CDH13: variants seen among roughly 807,000 people sequenced by gnomAD.
CDH13 encodes the protein cadherin 13.
CDH13 carries 24 observed loss-of-function variants against 63.8 expected under a neutral mutation model. The observed-to-expected ratio is 0.38, with a 90% CI of 0.27 to 0.53. CDH13 has a LOEUF of 0.53. Among genes scored for constraint, CDH13 ranks in the 20% least tolerant of loss-of-function variants. CDH13 has a pLI of 0.85. For missense variants in CDH13, 1,049 were observed against 903.1 expected (o/e 1.16, Z -2.07); for synonymous variants, 503 against 355.3 (o/e 1.42, Z -4.67).
chr16:82,861,430 C>G (rs547496837), intron 2 of CDH13, among the ~76,000 whole-genome samples: 2 of 152,302 alleles, frequency 1.3e-5, no homozygotes, highest in African/African-American at 2.4e-5. Context: ...GCCTGACAGA[C>G]ATAGTATATC....
intron 5 of CDH13, among the ~76,000 whole-genome samples, chr16:83,264,267 G>C (rs1200761344): frequency 6.6e-6 from 1 of 152,160 alleles, no homozygotes; most frequent in Non-Finnish European, 1.5e-5. Context: ...CATTTTAGCA[G>C]TCAAACTTTC....
chr16:83,257,416 C>T (rs1040809287), intron 5 of CDH13, among the ~76,000 whole-genome samples: 4 of 150,198 alleles, frequency 2.7e-5, no homozygotes, highest in Admixed American at 2.6e-4. Context: ...GATGAGGTTT[C>T]CTCTTTCCTC....
chr16:83,281,302 G>C (rs540665775), intron 5 of CDH13, among the ~76,000 whole-genome samples: 1 of 152,172 alleles, frequency 6.6e-6, no homozygotes, highest in Non-Finnish European at 1.5e-5. Flanking sequence ...ACCAACCTCC[G>C]TTAGGTTCAG....
chr16:82,720,660 C>T (rs2169449), intron 1 of CDH13, among the ~76,000 whole-genome samples: 2 of 151,410 alleles, frequency 1.3e-5, no homozygotes, highest in East Asian at 1.9e-4. Context: ...ACAGGGTGGT[C>T]TGGGCCAAGA....
At chr16:82,833,960 T>G (rs1037675286) in intron 1 of CDH13, among the ~76,000 whole-genome samples, 3 of 152,212 alleles carry the variant, frequency 2.0e-5, no homozygotes, top group African/African-American at 7.2e-5. Context: ...TTACTTACCT[T>G]GTGGGTGGGG....
intron 5 of CDH13, among the ~76,000 whole-genome samples, chr16:83,332,394 AT>A (rs2090499513): frequency 6.6e-6 from 1 of 152,176 alleles, no homozygotes; most frequent in African/African-American, 2.4e-5. Context: ...ATCAACCCTA[AT>A]TTTTTTAAGA....
At chr16:83,012,246 T>C (rs984021966) in intron 2 of CDH13, among the ~76,000 whole-genome samples, 1 of 152,080 alleles carries the variant, frequency 6.6e-6, no homozygotes, top group African/African-American at 2.4e-5. Flanking sequence ...ACTATCTCTT[T>C]TCAATTTTCC....
chr16:83,282,057 T>C (rs1398665745), intron 5 of CDH13, among the ~76,000 whole-genome samples: 10 of 152,156 alleles, frequency 6.6e-5, no homozygotes. Context: ...AATATTGTGA[T>C]ATCTCAGGGA....
At chr16:83,794,941 T>C in intron 13 of CDH13, 82 bp from the exon 14 acceptor site, 1 of 1,294,618 alleles carries the variant, frequency 7.7e-7, no homozygotes, top group Non-Finnish European at 1.1e-6. Context: ...ATACCTTGCC[T>C]GTCATTTTTC....
intron 1 of CDH13, among the ~76,000 whole-genome samples, chr16:82,641,710 A>G (rs568395329): frequency 1.3e-5 from 2 of 152,362 alleles, no homozygotes; most frequent in African/African-American, 2.4e-5. Flanking sequence ...TCATTCACGC[A>G]TTCAGTCATT....
At chr16:83,514,764 G>A (rs577010290) in intron 7 of CDH13, among the ~76,000 whole-genome samples, 7 of 152,246 alleles carry the variant, frequency 4.6e-5, no homozygotes, top group South Asian at 2.1e-4. Flanking sequence ...GAAATACCAC[G>A]GGTCACCAGC....
intron 4 of CDH13, among the ~76,000 whole-genome samples, chr16:83,132,445 A>AC (rs1187699429): frequency 0.036 from 790 of 22,176 alleles, 12 homozygotes; most frequent in African/African-American, 0.055. Context: ...ACCCCCCAAC[A>AC]CCCCCCCCTT....
At chr16:82,642,931 T>G (rs1371246537) in intron 1 of CDH13, among the ~76,000 whole-genome samples, 1 of 152,186 alleles carries the variant, frequency 6.6e-6, no homozygotes, top group Admixed American at 6.5e-5. Flanking sequence ...AGATTCAAAC[T>G]CAAGACAATT....
chr16:83,518,018 T>A (rs752258657), intron 7 of CDH13, among the ~76,000 whole-genome samples: 2 of 152,156 alleles, frequency 1.3e-5, no homozygotes, highest in Non-Finnish European at 2.9e-5. Flanking sequence ...AATCTCACCT[T>A]GAATTGTAGT....
chr16:82,992,489 G>T (rs375917036), intron 2 of CDH13, among the ~76,000 whole-genome samples: 3 of 152,278 alleles, frequency 2.0e-5, no homozygotes, highest in East Asian at 1.9e-4. Flanking sequence ...CAGTCAAGGG[G>T]CAGGGTGGGG....
At chr16:82,783,406 C>A (rs966950620) in intron 1 of CDH13, among the ~76,000 whole-genome samples, 1 of 152,186 alleles carries the variant, frequency 6.6e-6, no homozygotes, top group African/African-American at 2.4e-5. Context: ...TTAACCTGTT[C>A]AGCAGAAGCT....
intron 7 of CDH13, among the ~76,000 whole-genome samples, chr16:83,498,588 C>G (rs972595314): frequency 1.3e-5 from 2 of 152,174 alleles, no homozygotes; most frequent in Non-Finnish European, 1.5e-5. Flanking sequence ...TGATAGGAAT[C>G]TAATGAGGTC....
chr16:82,673,448 C>G (rs537958124), intron 1 of CDH13, among the ~76,000 whole-genome samples: 1 of 152,270 alleles, frequency 6.6e-6, no homozygotes, highest in African/African-American at 2.4e-5. Context: ...TTTTGCACAA[C>G]AAACGTTTAT....
At chr16:82,936,083 C>G (rs989316208) in intron 2 of CDH13, among the ~76,000 whole-genome samples, 2 of 152,066 alleles carry the variant, frequency 1.3e-5, no homozygotes, top group African/African-American at 2.4e-5. Context: ...TTGATTGGCA[C>G]CATCTTGTCT....
Sources: gnomAD v4.1 joint callset for allele counts (sites outside exome capture counted in the v4.1 genomes callset) on GRCh38, gnomAD v4.1.1 for gene constraint, MANE v1.5 for transcripts, NCBI Gene and HGNC (gene_info 2026-07-23, HGNC 2026-07-21) for gene names.